The following CAMKK2 variants were observed in gnomAD, a reference collection of about 807,000 sequenced individuals.
The protein encoded by CAMKK2 is calcium/calmodulin dependent protein kinase kinase 2.
A neutral mutation model predicts 67.2 loss-of-function variants in CAMKK2; 30 were observed. That is an observed-to-expected ratio of 0.45 (90% confidence interval 0.33 to 0.61). CAMKK2 has a LOEUF of 0.61. Among genes scored for constraint, CAMKK2 ranks in the 20% least tolerant of loss-of-function variants. The probability of loss-of-function intolerance (pLI) is 0.02; values close to 1 mark genes in which losing one functional copy is unlikely to be tolerated. For missense variants in CAMKK2, 643 were observed against 802.0 expected (o/e 0.80, Z 2.39); for synonymous variants, 322 against 326.2 (o/e 0.99, Z 0.14).
intron 1 of CAMKK2, among the ~76,000 whole-genome samples, chr12:121,276,520 T>G (rs1896840908): frequency 6.6e-6 from 1 of 152,172 alleles, no homozygotes; most frequent in South Asian, 2.1e-4. Context: ...CTGTCAATTC[T>G]TACCGTCTCT....
At position 121,285,770 on chromosome 12, in the gene CAMKK2, C is replaced by T. The variant is rs1639863889; in HGVS notation, c.-60+10868G>A. ...GATGCAGCAGTGAGCCGTGATCATGCCACCGCACTCTAGCCTGGGTGACAG... is the reference window on the plus strand; with the variant it reads ...GATGCAGCAGTGAGCCGTGATCATGTCACCGCACTCTAGCCTGGGTGACAG... On this transcript the variant is annotated intron_variant, in intron 1 of 16. Transcript: ENST00000404169. This position sits in a 1 kb window ranked among gnomAD's most constrained non-coding sequence, Gnocchi z 4.1. Among the ~76,000 whole-genome samples the T allele has an allele frequency of 6.6e-6, 1 of 152,194 alleles. No homozygotes were observed. Among genetic ancestry groups the T allele is most frequent in the African/African-American group, 2.4e-5 (1 of 41,430 alleles).
At chr12:121,284,394 G>C (rs141092256) in intron 1 of CAMKK2, among the ~76,000 whole-genome samples, 1 of 151,540 alleles carries the variant, frequency 6.6e-6, no homozygotes, top group Admixed American at 6.6e-5. Flanking sequence ...GTGTGATCTC[G>C]GCTCAGCGCA....
chr12:121,297,636 T>TC (rs762701427), upstream of CAMKK2: 1 of 517,550 alleles, frequency 1.9e-6, no homozygotes, highest in Admixed American at 1.9e-5. Flanking sequence ...CCCTGAACCG[T>TC]CCTACGGGGT....
rs1044712824 is a variant in CAMKK2 at position 121,245,651 on chromosome 12, G to A, written c.1453-411C>T. Among the ~76,000 whole-genome samples, 9 of 152,202 alleles carry A rather than the reference G, an allele frequency of 5.9e-5. No homozygotes were observed. Among genetic ancestry groups the A allele is most frequent in the Admixed American group, 5.9e-4 (9 of 15,288 alleles). On this transcript the variant is annotated intron_variant, in intron 14 of 16. Transcript: ENST00000404169. The surrounding 1 kb of genome is among the most constrained non-coding windows in gnomAD (Gnocchi z 5.8). ...AGGACGTGAACCAGTCATTCTTGGTGATGCTCTTGGCTGCCATTTCCCATG... is the reference window on the plus strand; with the variant it reads ...AGGACGTGAACCAGTCATTCTTGGTAATGCTCTTGGCTGCCATTTCCCATG...
intron 1 of CAMKK2, among the ~76,000 whole-genome samples, chr12:121,295,160 C>A (rs554117969): frequency 6.6e-6 from 1 of 152,226 alleles, no homozygotes; most frequent in Admixed American, 6.5e-5. Flanking sequence ...ACAGAGACTC[C>A]GTCTCAAAAT....
chr12:121,250,200 CAG>C, intron 11 of CAMKK2, among the ~76,000 whole-genome samples, 166 bp from the exon 12 acceptor site: 1 of 152,226 alleles, frequency 6.6e-6, no homozygotes, highest in Admixed American at 6.5e-5. Flanking sequence ...GGCCAAGACA[CAG>C]GGGTGTGGGG....
chr12:121,262,733 A>G (rs1400631071), intron 6 of CAMKK2, among the ~76,000 whole-genome samples: 2 of 151,686 alleles, frequency 1.3e-5, no homozygotes, highest in African/African-American at 4.8e-5. Flanking sequence ...TAATTTTTTA[A>G]ATTTTTTGTA....
At chr12:121,251,930 G>T (rs1890820635) in intron 11 of CAMKK2, among the ~76,000 whole-genome samples, 1 of 151,892 alleles carries the variant, frequency 6.6e-6, no homozygotes, top group African/African-American at 2.4e-5. Flanking sequence ...ATCAATAATG[G>T]TAAACAGCTT....
At position 121,263,834 on chromosome 12, in the gene CAMKK2, T is replaced by C. The variant is rs374169294; in HGVS notation, c.731A>G (p.Asp244Gly). The change falls in exon 6 of 17, where the codon GAC (aspartate) becomes GGC (glycine). Residue 244 changes from aspartate to glycine, a missense_variant. Asp to Gly is a moderately conservative substitution (Grantham distance 94). Transcript: ENST00000404169. Reference sequence around the variant, plus strand: ...CACCAGCTTCACCACATTGGGGTGGTCCAGCTTCTTGAGGATGGCAATTTC... The same window carrying C: ...CACCAGCTTCACCACATTGGGGTGGCCCAGCTTCTTGAGGATGGCAATTTC... ...YQEIAILKKL[D>G]HPNVVKLVEV... The C allele has an allele frequency of 6.2e-7, 1 of 1,612,006 alleles. No individual in the cohort carries two copies. Among genetic ancestry groups the C allele is most frequent in the African/African-American group, 1.3e-5 (1 of 75,028 alleles).
chr12:121,285,664 T>G lies in CAMKK2; in HGVS notation c.-60+10974A>C, dbSNP rs1233247093. On this transcript the variant is annotated intron_variant, in intron 1 of 16. Coordinates refer to ENST00000404169, the MANE Select transcript of CAMKK2 (RefSeq NM_001270485.2). The surrounding 1 kb of genome is among the most constrained non-coding windows in gnomAD (Gnocchi z 4.1). ...TCGCTACAAAAATACAAAAAAAACCTAGCTGGGCATGGTGGCGTACACCTG... is the reference window on the plus strand; with the variant it reads ...TCGCTACAAAAATACAAAAAAAACCGAGCTGGGCATGGTGGCGTACACCTG... 6.6e-6 allele frequency among the ~76,000 whole-genome samples: 1 copy of G among 151,904 alleles called. No homozygotes were observed. The highest frequency in any genetic ancestry group is 1.5e-5 in the Non-Finnish European group (1 of 67,976).
At chr12:121,289,375 T>A (rs1593513039) in intron 1 of CAMKK2, among the ~76,000 whole-genome samples, 1 of 152,074 alleles carries the variant, frequency 6.6e-6, no homozygotes, top group South Asian at 2.1e-4. Context: ...CAGCCAGGGG[T>A]CTTCCCTACA....
intron 16 of CAMKK2, among the ~76,000 whole-genome samples, chr12:121,242,802 G>A (rs1394641392): frequency 2.0e-5 from 3 of 151,946 alleles, no homozygotes; most frequent in African/African-American, 7.3e-5. Context: ...GAGTGCTGTG[G>A]CGCAATCTCG....
At position 121,253,508 on chromosome 12, in the gene CAMKK2, C is replaced by A; in HGVS notation, c.908-36G>T. The A allele has an allele frequency of 1.3e-6, 2 of 1,582,080 alleles. No individual in the cohort carries two copies. Among genetic ancestry groups the A allele is most frequent in the Non-Finnish European group, 1.7e-6 (2 of 1,151,272 alleles). On this transcript the variant is annotated intron_variant, in intron 9 of 16. Coordinates refer to ENST00000404169, the MANE Select transcript of CAMKK2 (RefSeq NM_001270485.2). This position sits in a 1 kb window ranked among gnomAD's most constrained non-coding sequence, Gnocchi z 5.0. ...GTAGACAGCAGGTGGGAGATAGGGG[C>A]AGGAAAACCTCGTGAGCACCTCTAT... is the stretch of plus-strand genomic sequence containing the variant.
chr12:121,258,484 A>G (rs1451069088), intron 7 of CAMKK2, among the ~76,000 whole-genome samples: 1 of 152,140 alleles, frequency 6.6e-6, no homozygotes, highest in African/African-American at 2.4e-5. Flanking sequence ...GGCATGAGCC[A>G]CCGCACCTGG....
intron 1 of CAMKK2, among the ~76,000 whole-genome samples, chr12:121,293,245 C>G (rs1265151486): frequency 6.6e-6 from 1 of 152,148 alleles, no homozygotes; most frequent in Non-Finnish European, 1.5e-5. Context: ...CCACTGTACT[C>G]TGGCTCGGGC....
Position 121,273,310 on chromosome 12 carries a change from T to C in CAMKK2, c.471+746A>G, listed in dbSNP as rs373162554. Among the ~76,000 whole-genome samples, 120 of 150,764 alleles carry C rather than the reference T, an allele frequency of 8.0e-4. 1 individual carries two copies. Among genetic ancestry groups the C allele is most frequent in the African/African-American group, 2.9e-3 (119 of 40,986 alleles). The stretch of plus-strand genomic sequence containing the variant: ...TTCCAAGCAGAAGGAACAGCGAGAG[T>C]ACAGACCCAAGGCAAGAGCTTGGAT... On this transcript the variant is annotated intron_variant, in intron 2 of 16. Transcript: ENST00000404169.
intron 6 of CAMKK2, among the ~76,000 whole-genome samples, chr12:121,261,748 G>A (rs1327991568): frequency 6.6e-6 from 1 of 152,190 alleles, no homozygotes; most frequent in East Asian, 1.9e-4. Flanking sequence ...TCCACATGCA[G>A]CTCCCTGCCC....
rs149878204 is a variant in CAMKK2 at position 121,288,342 on chromosome 12, C to A, written c.-60+8296G>T. ...GGCCCCTCTCCCTCCCTCCTCCCCACCTTTTGGACATCATGCTAAATCTAG... is the reference window on the plus strand; with the variant it reads ...GGCCCCTCTCCCTCCCTCCTCCCCAACTTTTGGACATCATGCTAAATCTAG... On this transcript the variant is annotated intron_variant, in intron 1 of 16. Coordinates refer to ENST00000404169, the MANE Select transcript of CAMKK2 (RefSeq NM_001270485.2). Among the ~76,000 whole-genome samples, 222 of 152,312 alleles carry A rather than the reference C, an allele frequency of 1.5e-3. No homozygotes were observed. In the East Asian group the frequency reaches 0.016, roughly 11 times the overall value.
chr12:121,263,256 GT>G, intron 6 of CAMKK2, among the ~76,000 whole-genome samples: 1 of 15,912 alleles, frequency 6.3e-5, no homozygotes, highest in African/African-American at 3.4e-3. Flanking sequence ...CCTCTGTCTG[GT>G]TTGTTTGTTT....
Sources: gnomAD v4.1 joint callset for allele counts (sites outside exome capture counted in the v4.1 genomes callset) on GRCh38, gnomAD v4.1.1 for gene constraint, Gnocchi (gnomAD v3.1) non-coding constraint, MANE v1.5 for transcripts, NCBI Gene and HGNC (gene_info 2026-07-23, HGNC 2026-07-21) for gene names.